SFI1: variants seen among roughly 807,000 people sequenced by gnomAD.
SFI1 encodes the protein protein SFI1 homolog.
SFI1 carries 195 observed loss-of-function variants against 207.5 expected under a neutral mutation model. The ratio of observed to expected loss-of-function variants is 0.94; its 90% CI spans 0.84 to 1.06. SFI1 has a LOEUF of 1.06. Among genes scored for constraint, SFI1 ranks in the 50% least tolerant of loss-of-function variants. The probability of loss-of-function intolerance (pLI) is 0.00; values close to 1 mark genes in which losing one functional copy is unlikely to be tolerated. For synonymous variants in SFI1, 630 were observed against 598.9 expected (o/e 1.05, Z -0.76); for missense variants, 1,634 against 1,588.0 (o/e 1.03, Z -0.49).
At chr22:31,613,294 T>C in intron 25 of SFI1, 60 bp from the exon 26 acceptor site, 1 of 1,606,384 alleles carries the variant, frequency 6.2e-7, no homozygotes. Context: ...GGAGGGCACC[T>C]GGTCTGTGGG....
At chr22:31,497,163 T>C (rs957255193) in intron 1 of SFI1, 1 of 152,338 alleles carries the variant, frequency 6.6e-6, no homozygotes, top group East Asian at 1.9e-4. Flanking sequence ...TCTTAACTGC[T>C]GTGTAGATGT....
At chr22:31,593,195 C>A (rs1313171320) in intron 15 of SFI1, among the ~76,000 whole-genome samples, 1 of 151,306 alleles carries the variant, frequency 6.6e-6, no homozygotes, top group African/African-American at 2.4e-5. Context: ...CCTCACCTCC[C>A]AGATGGGGCG....
At chr22:31,614,684 T>G in intron 27 of SFI1, 105 bp from the exon 28 acceptor site, 1 of 1,359,504 alleles carries the variant, frequency 7.4e-7, no homozygotes, top group South Asian at 1.2e-5. Flanking sequence ...GCCTCGCCTT[T>G]CCTGACTTTC....
intron 22 of SFI1, among the ~76,000 whole-genome samples, chr22:31,610,178 G>A (rs1336835117): frequency 3.9e-5 from 6 of 152,188 alleles, no homozygotes; most frequent in South Asian, 4.1e-4. Context: ...GGACTGGGAG[G>A]AGGGACTGAG....
intron 2 of SFI1, among the ~76,000 whole-genome samples, chr22:31,511,809 C>T (rs938823951): frequency 7.2e-5 from 11 of 152,036 alleles, no homozygotes; most frequent in Non-Finnish European, 1.0e-4. Flanking sequence ...CATGCCACCA[C>T]GCCCAGGTAA....
At chr22:31,577,468 C>T (rs1010648162) in intron 10 of SFI1, among the ~76,000 whole-genome samples, 3 of 152,184 alleles carry the variant, frequency 2.0e-5, no homozygotes, top group East Asian at 1.9e-4. Context: ...CTTTCACAGG[C>T]GCAATGGTAG....
At chr22:31,582,242 T>C (rs76468909) in intron 12 of SFI1, among the ~76,000 whole-genome samples, 1 of 40,078 alleles carries the variant, frequency 2.5e-5, no homozygotes, top group Non-Finnish European at 4.9e-5. Context: ...ATATATTTTT[T>C]TTTTTTTTTT....
intron 5 of SFI1, among the ~76,000 whole-genome samples, chr22:31,548,597 C>G (rs144998312): frequency 5.8e-4 from 87 of 150,368 alleles, no homozygotes; most frequent in African/African-American, 2.0e-3. Flanking sequence ...GAGTCGAGAT[C>G]GCACCACTGT....
intron 27 of SFI1, 131 bp from the exon 28 acceptor site, chr22:31,614,658 T>C: frequency 9.7e-7 from 1 of 1,029,726 alleles, no homozygotes; most frequent in Non-Finnish European, 1.5e-6. Flanking sequence ...CCACCCCAGC[T>C]TACTTGCTGA....
At chr22:31,582,228 ATATATATATTTTTTTTTTTTT>A (rs2064367070) in intron 12 of SFI1, among the ~76,000 whole-genome samples, 1 of 33,828 alleles carries the variant, frequency 3.0e-5, no homozygotes, top group African/African-American at 1.2e-4. Context: ...ATATATATAT[ATATATATATTTTTTTTTTTTT>A]TTTTTTTTTT....
intron 21 of SFI1, 33 bp downstream of exon 21, chr22:31,606,463 G>C (rs1182317043): frequency 1.3e-6 from 2 of 1,580,032 alleles, no homozygotes; most frequent in Non-Finnish European, 1.7e-6. Flanking sequence ...GGTCACCCAG[G>C]AGAGTTGGGA....
rs201018013 is a variant in SFI1 at position 31,568,163 on chromosome 22, ATATG to A, written c.766-4893_766-4890del. Among the ~76,000 whole-genome samples, 193 of 115,742 alleles carry A rather than the reference ATATG, an allele frequency of 1.7e-3. 1 individual carries two copies. Among genetic ancestry groups the A allele is most frequent in the Middle Eastern group, 0.012 (3 of 252 alleles). The allele number at this position is 115,742 out of a possible 152,430, so 75.9% of individuals were successfully genotyped here. A position where few individuals can be genotyped will look rare whatever the true frequency, so the allele number is the denominator to read the frequency against. ...ATGGACTCTCTCTCTCTCTATATAT[ATATG>A]TGTGTGTGTGTGTGTGTGTGTGTGT... is the stretch of plus-strand genomic sequence containing the variant. On this transcript the variant is annotated intron_variant, in intron 8 of 32. Coordinates refer to ENST00000400288, the MANE Select transcript of SFI1 (RefSeq NM_001007467.3).
At chr22:31,520,244 C>T (rs1184072801) in intron 2 of SFI1, among the ~76,000 whole-genome samples, 1 of 151,914 alleles carries the variant, frequency 6.6e-6, no homozygotes, top group African/African-American at 2.4e-5. Context: ...ACTGACTGCC[C>T]CTCAGAGAGT....
intron 1 of SFI1, among the ~76,000 whole-genome samples, chr22:31,500,783 T>G (rs2053613614): frequency 7.0e-6 from 1 of 143,464 alleles, no homozygotes; most frequent in African/African-American, 2.6e-5. Flanking sequence ...TGTGTGTGTG[T>G]GTTTGTTTTG....
At chr22:31,588,403 T>C (rs967197605) in intron 14 of SFI1, among the ~76,000 whole-genome samples, 1 of 152,196 alleles carries the variant, frequency 6.6e-6, no homozygotes, top group Middle Eastern at 3.2e-3. Flanking sequence ...ACAGTGCCAC[T>C]TTTACCATGT....
intron 24 of SFI1, 195 bp from the exon 25 acceptor site, chr22:31,612,947 G>A (rs1402709189): frequency 3.4e-6 from 2 of 591,092 alleles, no homozygotes; most frequent in African/African-American, 3.7e-5. Flanking sequence ...CTTTCATGAA[G>A]GTCATTCCTC....
intron 28 of SFI1, 56 bp from the exon 29 acceptor site, chr22:31,614,992 T>C: frequency 6.3e-7 from 1 of 1,587,370 alleles, no homozygotes; most frequent in Non-Finnish European, 8.6e-7. Context: ...TCTTGTTCTT[T>C]GGTCCCAGAG....
intron 2 of SFI1, among the ~76,000 whole-genome samples, chr22:31,525,430 G>A (rs951526086): frequency 6.6e-6 from 1 of 152,060 alleles, no homozygotes; most frequent in Non-Finnish European, 1.5e-5. Flanking sequence ...TGGAGCCTTT[G>A]TCAAAAATAA....
intron 4 of SFI1, among the ~76,000 whole-genome samples, chr22:31,541,600 A>G (rs1569256733): frequency 6.6e-6 from 1 of 151,944 alleles, no homozygotes. Context: ...CTAAAAATAC[A>G]AAAATTAGCC....
Sources: allele counts gnomAD v4.1 joint callset (sites outside exome capture counted in the v4.1 genomes callset), GRCh38; gene constraint gnomAD v4.1.1; transcripts MANE v1.5; gene names NCBI Gene and HGNC (gene_info 2026-07-23, HGNC 2026-07-21).